The following PDE1C variants were observed in gnomAD, a reference collection of about 807,000 sequenced individuals.
The protein encoded by PDE1C is dual specificity calcium/calmodulin-dependent 3',5'-cyclic nucleotide phosphodiesterase 1C.
A neutral mutation model predicts 93.1 loss-of-function variants in PDE1C; 62 were observed. The observed-to-expected ratio is 0.67, with a 90% CI of 0.54 to 0.82. The LOEUF is 0.82. Ranked by LOEUF, PDE1C falls within the 40% of genes least tolerant of loss-of-function variation. The pLI is 0.00. For missense variants in PDE1C, 742 were observed against 884.6 expected (o/e 0.84, Z 2.04); for synonymous variants, 325 against 310.1 (o/e 1.05, Z -0.50).
At chr7:32,376,828 C>T (rs1397471073) in intron 1 of PDE1C, among the ~76,000 whole-genome samples, 2 of 152,132 alleles carry the variant, frequency 1.3e-5, no homozygotes, top group South Asian at 2.1e-4. Flanking sequence ...GCTGGGACTA[C>T]GGGCGCCCGC....
chr7:31,674,490 A>G, the PDE1C span, among the ~76,000 whole-genome samples: 1 of 152,206 alleles, frequency 6.6e-6, no homozygotes, highest in African/African-American at 2.4e-5. Flanking sequence ...GAAGAAGATC[A>G]TGATCAGGGA....
chr7:31,871,384 A>G (rs1795935743), intron 6 of PDE1C, among the ~76,000 whole-genome samples: 1 of 152,112 alleles, frequency 6.6e-6, no homozygotes, highest in Non-Finnish European at 1.5e-5. Flanking sequence ...ATATTAAACT[A>G]AAAATCTTCT....
At chr7:31,762,039 C>T (rs1321199969) in intron 17 of PDE1C, among the ~76,000 whole-genome samples, 1 of 152,224 alleles carries the variant, frequency 6.6e-6, no homozygotes, top group Non-Finnish European at 1.5e-5. Context: ...CCATCCCTTT[C>T]CTCAGATGAA....
intron 1 of PDE1C, among the ~76,000 whole-genome samples, chr7:32,276,091 AC>A (rs1811266451): frequency 6.6e-6 from 1 of 152,240 alleles, no homozygotes; most frequent in South Asian, 2.1e-4. Flanking sequence ...AAATTGTATT[AC>A]AATACTATTC....
At chr7:31,836,428 G>A (rs13229648) in intron 11 of PDE1C, among the ~76,000 whole-genome samples, 35,482 of 151,972 alleles carry the variant, frequency 0.23, 4,213 homozygotes, top group Middle Eastern at 0.36. Flanking sequence ...TCCATCTCCT[G>A]GGTTCAAGCG....
At chr7:31,618,386 C>CACTACTAATT in the PDE1C span, among the ~76,000 whole-genome samples, 2 of 152,154 alleles carry the variant, frequency 1.3e-5, no homozygotes, top group Non-Finnish European at 2.9e-5. Flanking sequence ...TAACACACAC[C>CACTACTAATT]ACTACTAATT....
intron 2 of PDE1C, among the ~76,000 whole-genome samples, chr7:31,950,253 C>T (rs957836200): frequency 2.0e-5 from 3 of 152,174 alleles, no homozygotes; most frequent in African/African-American, 7.2e-5. Context: ...AAAGAAGATG[C>T]AAGCTCTACT....
At chr7:32,211,597 G>A (rs957340082) in intron 1 of PDE1C, among the ~76,000 whole-genome samples, 24 of 149,282 alleles carry the variant, frequency 1.6e-4, no homozygotes, top group African/African-American at 5.0e-4. Flanking sequence ...AAAGGGGGGG[G>A]TAAGAAAAGA....
intron 3 of PDE1C, among the ~76,000 whole-genome samples, chr7:32,095,230 G>A (rs560570304): frequency 6.6e-6 from 1 of 152,324 alleles, no homozygotes; most frequent in South Asian, 2.1e-4. Flanking sequence ...CTTGCCTGAA[G>A]ACTGAAAATC....
chr7:31,680,336 G>A, the PDE1C span, among the ~76,000 whole-genome samples: 1 of 152,160 alleles, frequency 6.6e-6, no homozygotes, highest in Non-Finnish European at 1.5e-5. Flanking sequence ...TTTCATTGAT[G>A]CAGGAGAATA....
At chr7:31,803,950 C>G (rs1274934207) in intron 16 of PDE1C, among the ~76,000 whole-genome samples, 1 of 151,928 alleles carries the variant, frequency 6.6e-6, no homozygotes, top group Non-Finnish European at 1.5e-5. Flanking sequence ...ATTTCTAGTT[C>G]TAGCTCCCTA....
At chr7:32,048,091 T>C (rs1792846349) in intron 2 of PDE1C, among the ~76,000 whole-genome samples, 2 of 152,194 alleles carry the variant, frequency 1.3e-5, no homozygotes, top group Non-Finnish European at 2.9e-5. Flanking sequence ...TCAAGATATA[T>C]TTAAAATTGT....
At position 31,989,526 on chromosome 7, in the gene PDE1C, G is replaced by A. The variant is rs143614441; in HGVS notation, c.128+62028C>T. ...TCTAATTTTTCTTCTTCCATTTGGC[G>A]TATATATATGCACAACAATGAGGTT... On this transcript the variant is annotated intron_variant, in intron 2 of 17. Coordinates refer to ENST00000396191, the MANE Select transcript of PDE1C (RefSeq NM_001191057.4). 4.2e-3 allele frequency among the ~76,000 whole-genome samples: 639 copies of A among 152,120 alleles called. 3 individuals carry two copies. Among genetic ancestry groups the A allele is most frequent in the African/African-American group, 0.014 (591 of 41,506 alleles).
At chr7:31,694,314 G>T in the PDE1C span, among the ~76,000 whole-genome samples, 2 of 151,602 alleles carry the variant, frequency 1.3e-5, no homozygotes, top group Non-Finnish European at 2.9e-5. Context: ...AATATTTTGG[G>T]ACATCTGAAG....
chr7:31,808,361 C>T (rs576291350), intron 16 of PDE1C: 23 of 267,990 alleles, frequency 8.6e-5, no homozygotes, highest in African/African-American at 5.3e-4. Flanking sequence ...ATAGCTGAAA[C>T]AATGAAGTTT....
chr7:31,697,144 CAGG>C, the PDE1C span: 1 of 1,611,700 alleles, frequency 6.2e-7, no homozygotes, highest in Non-Finnish European at 8.5e-7. Flanking sequence ...AGGGCATTTG[CAGG>C]GGGTGATGGG....
intron 2 of PDE1C, among the ~76,000 whole-genome samples, chr7:32,192,117 C>A (rs1431811908): frequency 6.6e-6 from 1 of 152,108 alleles, no homozygotes; most frequent in Non-Finnish European, 1.5e-5. Context: ...AGATACCAGT[C>A]CTTTGTTGCA....
chr7:31,642,786 G>T, the PDE1C span: 206 of 1,613,840 alleles, frequency 1.3e-4, 1 homozygote, highest in Middle Eastern at 1.2e-3. Flanking sequence ...AGCTAGAGTC[G>T]GATGGGCCAG....
intron 2 of PDE1C, among the ~76,000 whole-genome samples, chr7:32,183,993 G>T (rs1049242619): frequency 3.3e-5 from 5 of 152,188 alleles, no homozygotes; most frequent in Non-Finnish European, 5.9e-5. Flanking sequence ...CAAAGGATAT[G>T]AACAGACACT....
Sources: gnomAD v4.1 joint callset for allele counts (sites outside exome capture counted in the v4.1 genomes callset) on GRCh38, gnomAD v4.1.1 for gene constraint, MANE v1.5 for transcripts, NCBI Gene and HGNC (gene_info 2026-07-23, HGNC 2026-07-21) for gene names.